The following TFIP11 variants were observed in gnomAD, a reference collection of about 807,000 sequenced individuals.
TFIP11 encodes tuftelin-interacting protein 11.
In TFIP11, 86 loss-of-function variants were observed where a neutral mutation model predicts 96.8. That is an observed-to-expected ratio of 0.89 (90% CI 0.75 to 1.06). TFIP11 has a LOEUF of 1.06. TFIP11 is among the 50% of genes least tolerant of loss of function. TFIP11 has a pLI of 0.00. For missense variants in TFIP11, 881 were observed against 1,076.7 expected, an observed-to-expected ratio of 0.82 and a Z score of 2.54; for synonymous variants, 405 against 395.2, an observed-to-expected ratio of 1.02 and a Z score of -0.29.
chr22:26,510,081 G>C lies in TFIP11; in HGVS notation c.192C>G (p.Pro64=). 6.2e-7 allele frequency: 1 copy of C among 1,613,662 alleles called. No homozygotes were observed. The highest frequency in any genetic ancestry group is 8.5e-7 in the Non-Finnish European group (1 of 1,180,032). The change falls in exon 4 of 15, where the codon CCC becomes CCG. Residue 64 remains proline (P), a synonymous_variant. Transcript: ENST00000407690. ...GGCAATACCGTTTGCCTCCAAAGCT[G>C]GGCCTCTCATCATCCGAGTCTCGCT... ...WAERDSDDER[P]SFGGKRARDY... is the part of the protein sequence containing the mutation.
chr22:26,492,750 T>A (rs757528884), intron 14 of TFIP11: 24 of 216,124 alleles, frequency 1.1e-4, no homozygotes, highest in African/African-American at 5.3e-4. Context: ...CTTGAAAACA[T>A]AGGGCCCATA....
In TFIP11 at chr22:26,496,246, A is replaced by AT; in HGVS notation, c.1675dup (p.Met559AsnfsTer14). The stretch of plus-strand genomic sequence containing the variant: ...ATAGAGTGGCTCCAGCCGTGCCTGC[A>AT]TAAGGGGCAGCCATGGGTGGATCCA... On this transcript the variant is annotated frameshift_variant, in exon 12 of 15. Transcript: ENST00000407690. LOFTEE classifies it high-confidence loss of function. 6.2e-7 allele frequency: 1 copy of AT among 1,613,930 alleles called. No homozygotes were observed. Among genetic ancestry groups the AT allele is most frequent in the Middle Eastern group, 1.7e-4 (1 of 5,990 alleles).
At position 26,509,764 on chromosome 22, in the gene TFIP11, G is replaced by A. The variant is rs865938963; in HGVS notation, c.209+300C>T. Among the ~76,000 whole-genome samples the A allele has an allele frequency of 2.6e-5, 4 of 152,106 alleles. 1 individual carries two copies. Among genetic ancestry groups the A allele is most frequent in the South Asian group, 4.1e-4 (2 of 4,826 alleles). Reference sequence around the variant, plus strand: ...CCACCTACTCGGGAGGCTGAGGCACGGGAATCACTTAAACCTGGAAGGTGG... The same window carrying A: ...CCACCTACTCGGGAGGCTGAGGCACAGGAATCACTTAAACCTGGAAGGTGG... On this transcript the variant is annotated intron_variant, in intron 4 of 14. Transcript: ENST00000407690.
intron 4 of TFIP11, among the ~76,000 whole-genome samples, chr22:26,507,935 A>G (rs1338636093): frequency 1.3e-5 from 2 of 152,116 alleles, no homozygotes; most frequent in Non-Finnish European, 2.9e-5. Flanking sequence ...GCAAAATCCT[A>G]TCTCTAATAA....
At chr22:26,497,665 C>G (rs528493151) in intron 10 of TFIP11, among the ~76,000 whole-genome samples, 1 of 152,260 alleles carries the variant, frequency 6.6e-6, no homozygotes, top group East Asian at 1.9e-4. Flanking sequence ...ATCACGAGGT[C>G]AAGAGATCGA....
At position 26,496,762 on chromosome 22, in the gene TFIP11, T is replaced by TAG; in HGVS notation, c.1563_1564insCT (p.Asn522LeufsTer92). 1 of 1,613,130 alleles carries TAG rather than the reference T, an allele frequency of 6.2e-7. No homozygotes were observed. The highest frequency in any genetic ancestry group is 8.5e-7 in the Non-Finnish European group (1 of 1,179,698). ...GGGAAGATGAGTTGGTCCAGTATGT[T>TAG]ATCTAAGATCCACACAGGAATAATG... is the stretch of plus-strand genomic sequence containing the variant. On this transcript the variant is annotated frameshift_variant, in exon 11 of 15. Transcript: ENST00000407690. LOFTEE classifies it high-confidence loss of function.
Position 26,491,295 on chromosome 22 carries a change from T to C in TFIP11, c.*718A>G. The C allele has an allele frequency of 4.1e-6, 3 of 725,492 alleles. No homozygotes were observed. Among genetic ancestry groups the C allele is most frequent in the Non-Finnish European group, 6.9e-6 (3 of 437,554 alleles). The allele number at this position is 725,492 out of a possible 1,614,324, so 44.9% of individuals were successfully genotyped here. On this transcript the variant is annotated 3_prime_UTR_variant, in exon 15 of 15. Transcript: ENST00000407690. Reference sequence around the variant, plus strand: ...GTATCACAGTCCATGATATCCACTGTCCTTGGGGCGCCCAATTCATTGTGC... The same window carrying C: ...GTATCACAGTCCATGATATCCACTGCCCTTGGGGCGCCCAATTCATTGTGC...
Position 26,506,425 on chromosome 22 carries a change from G to A in TFIP11, c.398C>T (p.Ala133Val), listed in dbSNP as rs931880654. ...GNFKPSQKGF[A>V]GGTKSFMDFG... ...GTCCATGAAAGATTTGGTTCCTCCT[G>A]CAAAACCTTTCTGGCTGGGCTTAAA... Residue 133 changes from alanine (A) to valine (V), a missense_variant, in exon 6 of 15, where the codon GCA becomes GTA. By Grantham distance (64) the Ala-to-Val change is moderately conservative. Transcript: ENST00000407690. The A allele has an allele frequency of 1.2e-6, 2 of 1,612,982 alleles. No individual in the cohort carries two copies. Among genetic ancestry groups the A allele is most frequent in the African/African-American group, 1.3e-5 (1 of 74,962 alleles).
At chr22:26,500,922 C>T (rs1922700727) in intron 8 of TFIP11, among the ~76,000 whole-genome samples, 1 of 126,060 alleles carries the variant, frequency 7.9e-6, no homozygotes, top group Admixed American at 9.9e-5. Flanking sequence ...CTCGCTCTGT[C>T]CCCCAGGCTG....
intron 2 of TFIP11, chr22:26,511,328 T>G (rs1924029090): frequency 9.5e-6 from 1 of 105,428 alleles, no homozygotes; most frequent in Non-Finnish European, 1.9e-5. Flanking sequence ...CTGATTAGAT[T>G]ATGCCCACAC....
intron 8 of TFIP11, 27 bp from the exon 9 acceptor site, chr22:26,499,658 T>G: frequency 6.3e-7 from 1 of 1,581,752 alleles, no homozygotes; most frequent in East Asian, 2.2e-5. Flanking sequence ...GGATGAAGGT[T>G]AACACCGCTG....
chr22:26,494,765 T>G (rs1921704440), intron 13 of TFIP11, 32 bp downstream of exon 13: 2 of 1,613,178 alleles, frequency 1.2e-6, no homozygotes, highest in Non-Finnish European at 1.7e-6. Context: ...CCCAGTTCCC[T>G]CCCCCAGAAA....
intron 7 of TFIP11, among the ~76,000 whole-genome samples, chr22:26,503,350 T>G (rs1025190454): frequency 6.6e-6 from 1 of 152,194 alleles, no homozygotes; most frequent in Non-Finnish European, 1.5e-5. Flanking sequence ...AAATGTTTCC[T>G]TTCCCAAAAG....
At chr22:26,503,927 T>C (rs1923108201) in intron 6 of TFIP11, 134 bp from the exon 7 acceptor site, 1 of 1,174,048 alleles carries the variant, frequency 8.5e-7, no homozygotes. Context: ...GGAGAGCTAT[T>C]CTCTGCCCTC....
rs1201312732 is a variant in TFIP11, at chr22:26,494,313, A to G, written c.1993-9T>C. The G allele has an allele frequency of 5.6e-6, 9 of 1,614,122 alleles. No homozygotes were observed. The highest frequency in any genetic ancestry group is 1.3e-5 in the African/African-American group (1 of 74,946). On this transcript the variant is annotated splice_polypyrimidine_tract_variant and intron_variant, in intron 13 of 14. Transcript: ENST00000407690. ...AGCCAAGAGCACAGCACCTGCCAAA[A>G]AGAAAAATTACTTGCATCCATCGTG... is the stretch of plus-strand genomic sequence containing the variant.
Position 26,491,923 on chromosome 22 carries a change from A to G in TFIP11, c.*90T>C. The G allele has an allele frequency of 1.5e-6, 2 of 1,298,776 alleles. No homozygotes were observed. Among genetic ancestry groups the G allele is most frequent in the Middle Eastern group, 4.0e-4 (2 of 5,060 alleles). The allele number at this position is 1,298,776 out of a possible 1,614,324, so 80.5% of individuals were successfully genotyped here. A position where few individuals can be genotyped will look rare whatever the true frequency, so the allele number is the denominator to read the frequency against. ...GGAGTAGCTCCTGAGTAAAGAAGTTACCCTTTTGAAGGTGATCTAAAAATA... is the reference window on the plus strand; with the variant it reads ...GGAGTAGCTCCTGAGTAAAGAAGTTGCCCTTTTGAAGGTGATCTAAAAATA... On this transcript the variant is annotated 3_prime_UTR_variant, in exon 15 of 15. Transcript: ENST00000407690.
At chr22:26,493,569 G>C (rs35881287) in intron 14 of TFIP11, 2,225 of 154,114 alleles carry the variant, frequency 0.014, 28 homozygotes, top group Non-Finnish European at 0.02. Context: ...TTATGATCTA[G>C]GCAGAATGAC....
In TFIP11 at chr22:26,503,746, C is replaced by A; in HGVS notation, c.568G>T (p.Val190Leu). Residue 190 changes from valine (V) to leucine (L), a missense_variant, in exon 7 of 15, where the codon GTG (valine) becomes TTG (leucine). Transcript: ENST00000407690. ...EAKQRKGKGA[V>L]GAYGSERTTQ... is the part of the protein sequence containing the mutation. Reference sequence around the variant, plus strand: ...GTGCGCTCGGATCCATAAGCCCCCACAGCACCTTTTCCCTTTCTCTGCTTG... The same window carrying A: ...GTGCGCTCGGATCCATAAGCCCCCAAAGCACCTTTTCCCTTTCTCTGCTTG... The A allele has an allele frequency of 3.1e-6, 5 of 1,613,982 alleles. No homozygotes were observed. The highest frequency in any genetic ancestry group is 4.2e-6 in the Non-Finnish European group (5 of 1,180,010).
Position 26,506,438 on chromosome 22 carries a change from G to A in TFIP11, c.385C>T (p.Gln129Ter). 1.2e-6 allele frequency: 2 copies of A among 1,606,108 alleles called. No homozygotes were observed. The highest frequency in any genetic ancestry group is 1.7e-6 in the Non-Finnish European group (2 of 1,178,066). Residue 129 changes from glutamine to a stop codon, truncating the protein, a stop_gained, in exon 6 of 15, where the codon CAG becomes TAG. Transcript: ENST00000407690. LOFTEE classifies it high-confidence loss of function. ...LKTGGNFKPS[Q>*]KGFAGGTKSF... ...TTGGTTCCTCCTGCAAAACCTTTCT[G>A]GCTGGGCTTAAAATTGCCACCCTGC... is the stretch of plus-strand genomic sequence containing the variant.
Sources: gnomAD v4.1 joint callset for allele counts (sites outside exome capture counted in the v4.1 genomes callset) on GRCh38, gnomAD v4.1.1 for gene constraint, MANE v1.5 for transcripts, NCBI Gene and HGNC (gene_info 2026-07-23, HGNC 2026-07-21) for gene names.